TMTC2: variants seen among roughly 807,000 people sequenced by gnomAD.
TMTC2 encodes the protein protein O-mannosyl-transferase TMTC2.
A neutral mutation model predicts 82.4 loss-of-function variants in TMTC2; 43 were observed. That is an observed-to-expected ratio of 0.52 (90% CI 0.41 to 0.67). The LOEUF (loss-of-function observed/expected upper bound fraction) is 0.67, where lower values mean the gene tolerates loss of function less well. TMTC2 is among the 30% of genes least tolerant of loss of function. The pLI is 0.00. For synonymous variants in TMTC2, 408 were observed against 381.9 expected (o/e 1.07, Z -0.80); for missense variants, 919 against 1,012.4 (o/e 0.91, Z 1.25).
intron 3 of TMTC2, among the ~76,000 whole-genome samples, chr12:82,908,777 C>T (rs1448872967): frequency 6.6e-6 from 1 of 152,014 alleles, no homozygotes; most frequent in South Asian, 2.1e-4. Flanking sequence ...ACTAGCTAGG[C>T]ATAATGTTTT....
chr12:82,726,327 C>T (rs1874442554), intron 1 of TMTC2, among the ~76,000 whole-genome samples: 2 of 152,096 alleles, frequency 1.3e-5, no homozygotes, highest in South Asian at 4.1e-4. Flanking sequence ...TCATAGATGA[C>T]TTAATAGTAT....
intron 1 of TMTC2, among the ~76,000 whole-genome samples, chr12:82,794,400 G>A (rs143360181): frequency 8.3e-4 from 126 of 152,198 alleles, no homozygotes; most frequent in African/African-American, 2.9e-3. Flanking sequence ...CACAAATTGA[G>A]GTATATTGTT....
rs145766157 is a variant in TMTC2 at position 82,944,236 on chromosome 12, A to T, written c.1598+13691A>T. 9.8e-3 allele frequency among the ~76,000 whole-genome samples: 1,493 copies of T among 152,270 alleles called. 18 individuals carry two copies. The highest frequency in any genetic ancestry group is 0.027 in the Middle Eastern group (8 of 294). On this transcript the variant is annotated intron_variant, in intron 4 of 11. Transcript: ENST00000321196. ...GAATAATATGCATAAGAATAAATGG[A>T]AGAACCATGGGTGGAATCCTAGGGA...
intron 7 of TMTC2, among the ~76,000 whole-genome samples, chr12:82,972,245 T>G (rs1878482441): frequency 6.6e-6 from 1 of 152,184 alleles, no homozygotes; most frequent in African/African-American, 2.4e-5. Flanking sequence ...CTTATTTGCC[T>G]TTATTTTCAT....
chr12:82,738,730 C>T (rs1241968030), intron 1 of TMTC2, among the ~76,000 whole-genome samples: 2 of 151,950 alleles, frequency 1.3e-5, no homozygotes, highest in African/African-American at 4.8e-5. Context: ...AATTTTGAGG[C>T]AATAGTGTCA....
At chr12:82,773,669 C>T (rs1419951710) in intron 1 of TMTC2, among the ~76,000 whole-genome samples, 1 of 151,914 alleles carries the variant, frequency 6.6e-6, no homozygotes. Flanking sequence ...CCATGTTGGT[C>T]AGGCTGCTCT....
intron 1 of TMTC2, among the ~76,000 whole-genome samples, chr12:82,777,223 G>A (rs10862505): frequency 0.13 from 20,318 of 152,098 alleles, 1,529 homozygotes; most frequent in Middle Eastern, 0.2. Flanking sequence ...GTGAAAGGGG[G>A]CAGATTTTAT....
chr12:82,931,210 T>C (rs1217616875), intron 4 of TMTC2, among the ~76,000 whole-genome samples: 1 of 151,940 alleles, frequency 6.6e-6, no homozygotes, highest in Non-Finnish European at 1.5e-5. Flanking sequence ...TGCCCAGCCT[T>C]GATTATTAAT....
At chr12:82,701,455 A>G (rs375567782) in intron 1 of TMTC2, among the ~76,000 whole-genome samples, 2 of 152,002 alleles carry the variant, frequency 1.3e-5, no homozygotes, top group East Asian at 3.9e-4. Context: ...TTGTGCACTT[A>G]TGAATATTAA....
chr12:82,749,334 A>G (rs5029488), intron 1 of TMTC2, among the ~76,000 whole-genome samples: 144,709 of 152,020 alleles, frequency 0.95, 69,287 homozygotes, highest in East Asian at 1. Context: ...TAATACTCAC[A>G]CATTTGTATT....
intron 4 of TMTC2, among the ~76,000 whole-genome samples, chr12:82,943,641 A>G (rs1157344551): frequency 1.3e-5 from 2 of 152,228 alleles, no homozygotes; most frequent in African/African-American, 4.8e-5. Flanking sequence ...TATAGCACCT[A>G]TTTCAGACAT....
chr12:82,767,543 A>G (rs1877042863), intron 1 of TMTC2, among the ~76,000 whole-genome samples: 1 of 152,126 alleles, frequency 6.6e-6, no homozygotes, highest in Non-Finnish European at 1.5e-5. Flanking sequence ...CTGTGATCAC[A>G]CCACTGCACT....
chr12:82,989,259 A>G (rs566784236), intron 8 of TMTC2, among the ~76,000 whole-genome samples: 3 of 152,196 alleles, frequency 2.0e-5, no homozygotes, highest in South Asian at 4.1e-4. Flanking sequence ...TTATGAAAGA[A>G]ATCAATATGG....
chr12:82,990,438 G>A (rs1288784927), intron 8 of TMTC2, among the ~76,000 whole-genome samples: 1 of 152,010 alleles, frequency 6.6e-6, no homozygotes, highest in African/African-American at 2.4e-5. Flanking sequence ...GAATGCTTTG[G>A]CACATTTTAT....
At chr12:82,907,504 A>G (rs188000727) in intron 3 of TMTC2, among the ~76,000 whole-genome samples, 2 of 152,018 alleles carry the variant, frequency 1.3e-5, no homozygotes, top group East Asian at 1.9e-4. Flanking sequence ...TTGACACAGA[A>G]ATGTTTTCCT....
rs182738444 is a variant in TMTC2 at position 82,921,999 on chromosome 12, C to T, written c.1484-8432C>T. On this transcript the variant is annotated intron_variant, in intron 3 of 11. Coordinates refer to ENST00000321196, the MANE Select transcript of TMTC2 (RefSeq NM_152588.3). ...GTGCACATTTGTAGTCTCAGCTACT[C>T]GGGAGGCTGAGGTGGGAGGATTGCT... Among the ~76,000 whole-genome samples the T allele has an allele frequency of 2.0e-4, 30 of 150,960 alleles. No homozygotes were observed. The East Asian group carries it at 5.7e-3, about 28-fold the overall frequency.
intron 8 of TMTC2, among the ~76,000 whole-genome samples, chr12:82,997,734 T>A (rs1271850099): frequency 6.6e-6 from 1 of 151,760 alleles, no homozygotes; most frequent in Admixed American, 6.6e-5. Context: ...AAAATCCATT[T>A]CCAAAATATA....
intron 9 of TMTC2, among the ~76,000 whole-genome samples, chr12:83,048,764 G>A (rs1288955703): frequency 1.3e-5 from 2 of 152,196 alleles, no homozygotes; most frequent in African/African-American, 4.8e-5. Context: ...CGCCTCCCGG[G>A]TTCAAGCAAT....
At chr12:83,024,984 C>G (rs11115536) in intron 8 of TMTC2, among the ~76,000 whole-genome samples, 89,797 of 151,802 alleles carry the variant, frequency 0.59, 27,073 homozygotes, top group South Asian at 0.73. Context: ...TTGAGGCCAG[C>G]AGTTCGAGAC....
Sources: gnomAD v4.1 joint callset for allele counts (sites outside exome capture counted in the v4.1 genomes callset) on GRCh38, gnomAD v4.1.1 for gene constraint, MANE v1.5 for transcripts, NCBI Gene and HGNC (gene_info 2026-07-23, HGNC 2026-07-21) for gene names.